ECPAS: variants seen among roughly 807,000 people sequenced by gnomAD.
ECPAS encodes Ecm29 proteasome adaptor and scaffold, also known as proteasome adapter and scaffold protein ECM29.
A neutral mutation model predicts 255.1 loss-of-function variants in ECPAS; 70 were observed. The ratio of observed to expected loss-of-function variants is 0.27; its 90% CI spans 0.23 to 0.33. The LOEUF (loss-of-function observed/expected upper bound fraction) is 0.33, where lower values mean the gene tolerates loss of function less well. Among genes scored for constraint, ECPAS ranks in the 10% least tolerant of loss-of-function variants. ECPAS has a pLI of 1.00. For synonymous variants in ECPAS, 784 were observed against 775.0 expected (o/e 1.01, Z -0.19); for missense variants, 1,817 against 2,206.4 (o/e 0.82, Z 3.54).
chr9:111,440,608 C>T, intron 5 of ECPAS, 87 bp from the exon 6 acceptor site: 1 of 1,012,944 alleles, frequency 9.9e-7, no homozygotes, highest in South Asian at 1.8e-5. Flanking sequence ...AATCACGTAA[C>T]AAAAACTGGC....
chr9:111,416,140 C>A, intron 18 of ECPAS, 132 bp downstream of exon 18: 2 of 592,904 alleles, frequency 3.4e-6, no homozygotes, highest in Non-Finnish European at 6.0e-6. Flanking sequence ...AAATAAACAA[C>A]CCGATGAAGA....
At chr9:111,388,138 T>C (rs1166200432) in intron 31 of ECPAS, among the ~76,000 whole-genome samples, 2 of 151,832 alleles carry the variant, frequency 1.3e-5, no homozygotes, top group African/African-American at 4.8e-5. Flanking sequence ...CTTTTGTAGG[T>C]AGGAAAGGTT....
At chr9:111,373,264 C>A (rs2098129541) in intron 40 of ECPAS, 28 bp from the exon 41 acceptor site, 4 of 1,613,552 alleles carry the variant, frequency 2.5e-6, no homozygotes, top group Non-Finnish European at 3.4e-6. Flanking sequence ...CTAAGTATTT[C>A]TTTATAACTG....
chr9:111,424,024 T>TA (rs1428882733), intron 12 of ECPAS, among the ~76,000 whole-genome samples: 2 of 152,146 alleles, frequency 1.3e-5, no homozygotes, highest in Non-Finnish European at 2.9e-5. Flanking sequence ...CTCTCTAACT[T>TA]ACATTTAAAT....
At chr9:111,427,900 T>A in intron 10 of ECPAS, 142 bp downstream of exon 10, 1 of 625,956 alleles carries the variant, frequency 1.6e-6, no homozygotes, top group Non-Finnish European at 2.5e-6. Flanking sequence ...TGCAGCAAAT[T>A]TAAGATAGAA....
chr9:111,392,557 C>T (rs572543246), intron 28 of ECPAS, among the ~76,000 whole-genome samples: 2 of 152,244 alleles, frequency 1.3e-5, no homozygotes, highest in East Asian at 1.9e-4. Context: ...ATTAAACTTT[C>T]GACGCTTGAC....
chr9:111,403,147 G>T (rs1225219335), intron 24 of ECPAS, among the ~76,000 whole-genome samples: 3 of 150,280 alleles, frequency 2.0e-5, no homozygotes, highest in Admixed American at 2.0e-4. Context: ...GAGGTCAGGG[G>T]TTCAAGACCA....
chr9:111,399,720 C>A (rs2098172795), intron 24 of ECPAS, among the ~76,000 whole-genome samples: 1 of 152,226 alleles, frequency 6.6e-6, no homozygotes, highest in Admixed American at 6.5e-5. Context: ...CACAATAAAA[C>A]AAAGGACCAG....
intron 1 of ECPAS, among the ~76,000 whole-genome samples, chr9:111,480,932 T>A (rs958513534): frequency 6.6e-6 from 1 of 152,228 alleles, no homozygotes; most frequent in East Asian, 1.9e-4. Flanking sequence ...GCACACTGCA[T>A]AGACACAAAT....
chr9:111,372,468 A>C lies in ECPAS; in HGVS notation c.4489T>G (p.Cys1497Gly). 6.2e-7 allele frequency: 1 copy of C among 1,613,886 alleles called. No individual in the cohort carries two copies. The highest frequency in any genetic ancestry group is 8.5e-7 in the Non-Finnish European group (1 of 1,179,794). Reference sequence around the variant, plus strand: ...TGCCACACTTCGGTCCATAAATTACATTCTTCTTTTTCGGATTTCTCCTCA... The same window carrying C: ...TGCCACACTTCGGTCCATAAATTACCTTCTTCTTTTTCGGATTTCTCCTCA... ...ADEEKSEKEE[C>G]NLWTEVWQEN... Residue 1497 changes from cysteine (C) to glycine (G), a missense_variant, in exon 42 of 50, where the codon TGT (cysteine) becomes GGT (glycine). By Grantham distance (159) the Cys-to-Gly change is radical. Transcript: ENST00000684092.
Position 111,362,013 on chromosome 9 carries a change from T to C in ECPAS, c.*17A>G. 6.2e-7 allele frequency: 1 copy of C among 1,608,352 alleles called. No individual in the cohort carries two copies. The highest frequency in any genetic ancestry group is 1.1e-5 in the South Asian group (1 of 90,198). On this transcript the variant is annotated 3_prime_UTR_variant, in exon 50 of 50. Coordinates refer to ENST00000684092, the MANE Select transcript of ECPAS (RefSeq NM_001364929.1). ...CCCCAATGAACATGGCACTTGTTTG[T>C]TTCTTCCCCTTCTAATTTATTCCAG...
At chr9:111,380,343 T>G (rs1212810511) in intron 35 of ECPAS, among the ~76,000 whole-genome samples, 4 of 152,192 alleles carry the variant, frequency 2.6e-5, no homozygotes, top group Admixed American at 2.0e-4. Context: ...GTTGTTATTT[T>G]TTTGTTTGTT....
chr9:111,365,358 G>A (rs558319985), intron 48 of ECPAS, among the ~76,000 whole-genome samples: 3 of 151,806 alleles, frequency 2.0e-5, no homozygotes, highest in South Asian at 4.2e-4. Flanking sequence ...AGGGGAGGGG[G>A]AAAAAATCCT....
chr9:111,453,523 C>A (rs1280315641), intron 2 of ECPAS, among the ~76,000 whole-genome samples: 1 of 152,018 alleles, frequency 6.6e-6, no homozygotes, highest in Non-Finnish European at 1.5e-5. Flanking sequence ...AATTCCTGCC[C>A]ACCCTCCCCC....
chr9:111,384,433 T>C, intron 34 of ECPAS, 89 bp downstream of exon 34: 1 of 1,194,924 alleles, frequency 8.4e-7, no homozygotes, highest in African/African-American at 1.5e-5. Context: ...TGCAACTAAA[T>C]GTCTTTTCCT....
Position 111,361,795 on chromosome 9 carries a change from AC to A in ECPAS, c.*234del, listed in dbSNP as rs1286699758. 3 of 357,522 alleles carry A rather than the reference AC, an allele frequency of 8.4e-6. No individual in the cohort carries two copies. Among genetic ancestry groups the A allele is most frequent in the Non-Finnish European group, 1.5e-5 (3 of 201,232 alleles). The allele number at this position is 357,522 out of a possible 1,614,324, so 22.1% of individuals were successfully genotyped here. A position where few individuals can be genotyped will look rare whatever the true frequency, so the allele number is the denominator to read the frequency against. On this transcript the variant is annotated 3_prime_UTR_variant, in exon 50 of 50. Coordinates refer to ENST00000684092, the MANE Select transcript of ECPAS (RefSeq NM_001364929.1). ...ACTATTTCTGCCAGTTTCCTTTACAACCACCCCTCAAACATCCAAGGTTCCA... is the reference window on the plus strand; with the variant it reads ...ACTATTTCTGCCAGTTTCCTTTACAACACCCCTCAAACATCCAAGGTTCCA...
chr9:111,413,690 T>C (rs2098198503), intron 20 of ECPAS, among the ~76,000 whole-genome samples: 1 of 152,098 alleles, frequency 6.6e-6, no homozygotes, highest in South Asian at 2.1e-4. Flanking sequence ...CCTATGCTTC[T>C]CAATTCATCT....
intron 34 of ECPAS, among the ~76,000 whole-genome samples, 182 bp from the exon 35 acceptor site, chr9:111,383,514 A>G (rs984197546): frequency 1.3e-5 from 2 of 152,254 alleles, no homozygotes; most frequent in African/African-American, 4.8e-5. Context: ...GCCAAGAACT[A>G]AACAGAAAAT....
intron 31 of ECPAS, 24 bp downstream of exon 31, chr9:111,389,532 A>AGTGTTTTC: frequency 6.2e-7 from 1 of 1,604,226 alleles, no homozygotes; most frequent in Non-Finnish European, 8.5e-7. Context: ...TGTTTTCCTA[A>AGTGTTTTC]CACAGGGGTT....
Sources: allele counts gnomAD v4.1 joint callset (sites outside exome capture counted in the v4.1 genomes callset), GRCh38; gene constraint gnomAD v4.1.1; transcripts MANE v1.5; gene names NCBI Gene and HGNC (gene_info 2026-07-23, HGNC 2026-07-21).